The following GLS variants were observed in gnomAD, a reference collection of about 807,000 sequenced individuals.
GLS encodes the protein glutaminase.
A neutral mutation model predicts 86.7 loss-of-function variants in GLS; 36 were observed. The observed-to-expected ratio is 0.42, with a 90% CI of 0.32 to 0.55. The LOEUF is 0.55. Among genes scored for constraint, GLS ranks in the 20% least tolerant of loss-of-function variants. The pLI is 0.17. For missense variants in GLS, 528 were observed against 833.4 expected (o/e 0.63, Z 4.51); for synonymous variants, 317 against 305.9 (o/e 1.04, Z -0.38).
rs1690654541 is a variant in GLS, at chr2:190,949,179, G to A, written c.1651-4386G>A. On this transcript the variant is annotated intron_variant, in intron 14 of 17. Transcript: ENST00000320717. The surrounding 1 kb of genome is among the most constrained non-coding windows in gnomAD (Gnocchi z 4.0). ...GAAGAAAAATTAAGTTAGCTGGACTGAAGAACCTTGAATACAAGGCTGAAG... is the reference window on the plus strand; with the variant it reads ...GAAGAAAAATTAAGTTAGCTGGACTAAAGAACCTTGAATACAAGGCTGAAG... Among the ~76,000 whole-genome samples the A allele has an allele frequency of 6.6e-6, 1 of 152,120 alleles. No homozygotes were observed. Among genetic ancestry groups the A allele is most frequent in the African/African-American group, 2.4e-5 (1 of 41,418 alleles).
In GLS at chr2:190,964,426, T is replaced by G. The variant is rs924374364; in HGVS notation, c.*1440T>G. ...TTAGTTGTTATCACATACAGCAAAT[T>G]CCTTTTTTTTTCTTTTTCTATGAGC... is the stretch of plus-strand genomic sequence containing the variant. On this transcript the variant is annotated 3_prime_UTR_variant, in exon 18 of 18. Transcript: ENST00000320717. The surrounding 1 kb of genome is among the most constrained non-coding windows in gnomAD (Gnocchi z 5.2). 12 of 150,994 alleles carry G rather than the reference T, an allele frequency of 7.9e-5. No homozygotes were observed. Among genetic ancestry groups the G allele is most frequent in the African/African-American group, 2.5e-4 (10 of 40,322 alleles). The allele number at this position is 150,994 out of a possible 1,614,324, so 9.4% of individuals were successfully genotyped here. A position where few individuals can be genotyped will look rare whatever the true frequency, so the allele number is the denominator to read the frequency against.
At chr2:190,946,113 A>G (rs1690571394) in intron 14 of GLS, among the ~76,000 whole-genome samples, 1 of 152,186 alleles carries the variant, frequency 6.6e-6, no homozygotes, top group African/African-American at 2.4e-5. Context: ...TAAAAATATT[A>G]AATAAGCTCA....
chr2:190,953,455 G>A lies in GLS; in HGVS notation c.1651-110G>A, dbSNP rs1168730397. Reference sequence around the variant, plus strand: ...GTGTCCTTGAGATCACTTTTTGCACGTGACTCAGCTGAAGTGTTCAAAGCA... The same window carrying A: ...GTGTCCTTGAGATCACTTTTTGCACATGACTCAGCTGAAGTGTTCAAAGCA... On this transcript the variant is annotated intron_variant, in intron 14 of 17. Transcript: ENST00000320717. This position sits in a 1 kb window ranked among gnomAD's most constrained non-coding sequence, Gnocchi z 4.0. The A allele has an allele frequency of 2.8e-6, 2 of 725,482 alleles. No homozygotes were observed. Among genetic ancestry groups the A allele is most frequent in the Non-Finnish European group, 5.0e-6 (2 of 403,134 alleles). The allele number at this position is 725,482 out of a possible 1,614,324, so 44.9% of individuals were successfully genotyped here.
chr2:190,911,625 A>C (rs1689363011), intron 7 of GLS, among the ~76,000 whole-genome samples: 1 of 152,130 alleles, frequency 6.6e-6, no homozygotes, highest in South Asian at 2.1e-4. Flanking sequence ...GGTCCTTATA[A>C]GAAAATTCAA....
intron 14 of GLS, among the ~76,000 whole-genome samples, chr2:190,940,508 T>C (rs184923032): frequency 4.7e-3 from 722 of 152,230 alleles, no homozygotes; most frequent in Non-Finnish European, 8.1e-3. Context: ...TGAATGCCCT[T>C]ATTCTGGCAA....
Position 190,920,321 on chromosome 2 carries a change from AT to A in GLS, c.1039-702del. The A allele has an allele frequency of 6.6e-6, 1 of 151,932 alleles. No individual in the cohort carries two copies. Among genetic ancestry groups the A allele is most frequent in the Non-Finnish European group, 1.5e-5 (1 of 67,800 alleles). 9.4% of individuals were successfully genotyped at this position (151,932 alleles called of 1,614,324 possible). On this transcript the variant is annotated intron_variant, in intron 7 of 17. Coordinates refer to ENST00000320717, the MANE Select transcript of GLS (RefSeq NM_014905.5). The surrounding 1 kb of genome is among the most constrained non-coding windows in gnomAD (Gnocchi z 4.2). ...TTTTTCCTATTGACATTTGCAGTAGATAACATGTCAGAAATGAAAGTGATGA... is the reference window on the plus strand; with the variant it reads ...TTTTTCCTATTGACATTTGCAGTAGAAACATGTCAGAAATGAAAGTGATGA...
intron 1 of GLS, among the ~76,000 whole-genome samples, chr2:190,889,947 A>G (rs1258806886): frequency 3.3e-5 from 5 of 152,152 alleles, no homozygotes; most frequent in African/African-American, 1.2e-4. Context: ...TCTTATGTGC[A>G]TTTTGGTTAG....
intron 9 of GLS, among the ~76,000 whole-genome samples, chr2:190,923,672 C>G (rs182030281): frequency 1.3e-5 from 2 of 152,202 alleles, no homozygotes; most frequent in East Asian, 3.9e-4. Flanking sequence ...AATATGAAGA[C>G]TAGAAAGGAC....
chr2:190,964,606 G>A lies in GLS; in HGVS notation c.*1620G>A, dbSNP rs920029146. 2 of 152,182 alleles carry A rather than the reference G, an allele frequency of 1.3e-5. No individual in the cohort carries two copies. The highest frequency in any genetic ancestry group is 2.9e-5 in the Non-Finnish European group (2 of 68,060). The allele number at this position is 152,182 out of a possible 1,614,324, so 9.4% of individuals were successfully genotyped here. A position where few individuals can be genotyped will look rare whatever the true frequency, so the allele number is the denominator to read the frequency against. ...CTCCTTTGGTGAAACCACGGCCAAT[G>A]TTCCTTAGCTGCACCAGGCCCGAAG... On this transcript the variant is annotated 3_prime_UTR_variant, in exon 18 of 18. Transcript: ENST00000320717. The surrounding 1 kb of genome is among the most constrained non-coding windows in gnomAD (Gnocchi z 5.2).
Position 190,918,374 on chromosome 2 carries a change from T to C in GLS, c.1039-2650T>C, listed in dbSNP as rs114599912. On this transcript the variant is annotated intron_variant, in intron 7 of 17. Coordinates refer to ENST00000320717, the MANE Select transcript of GLS (RefSeq NM_014905.5). ...AGACGGCTTCTTTCCTTAAACCTCA[T>C]GAATCAACCTCTGCTAGCTGCAAAC... is the stretch of plus-strand genomic sequence containing the variant. 5.3e-3 allele frequency among the ~76,000 whole-genome samples: 813 copies of C among 152,276 alleles called. 8 individuals carry two copies. The highest frequency in any genetic ancestry group is 0.019 in the African/African-American group (770 of 41,560).
chr2:190,885,146 T>C lies in GLS; in HGVS notation c.386+3676T>C, dbSNP rs188393365. Among the ~76,000 whole-genome samples, 20 of 152,284 alleles carry C rather than the reference T, an allele frequency of 1.3e-4. 1 individual carries two copies. The highest frequency in any genetic ancestry group is 5.9e-4 in the Admixed American group (9 of 15,302). On this transcript the variant is annotated intron_variant, in intron 1 of 17. Coordinates refer to ENST00000320717, the MANE Select transcript of GLS (RefSeq NM_014905.5). ...GTTCAGCTTTATGTTTTGATAGTTA[T>C]GGACAATGAAGGGCAAAGAAAATCA...
At chr2:190,888,678 T>C (rs1688467069) in intron 1 of GLS, among the ~76,000 whole-genome samples, 1 of 152,202 alleles carries the variant, frequency 6.6e-6, no homozygotes, top group Admixed American at 6.5e-5. Flanking sequence ...CCTGCTGTAG[T>C]TTGCGTAGCC....
chr2:190,941,180 T>C (rs1298519833), intron 14 of GLS, among the ~76,000 whole-genome samples: 4 of 152,140 alleles, frequency 2.6e-5, no homozygotes, highest in Non-Finnish European at 5.9e-5. Context: ...ATCCAACTTG[T>C]GTTTGCAATT....
At chr2:190,894,042 T>G (rs11691127) in intron 1 of GLS, among the ~76,000 whole-genome samples, 1 of 152,112 alleles carries the variant, frequency 6.6e-6, no homozygotes, top group East Asian at 1.9e-4. Flanking sequence ...ATCATAGCAT[T>G]TTAGTGTTAC....
rs3036653 is a variant in GLS at position 190,942,067 on chromosome 2, C to CTTTTTTTTTTTTTTTTTTTTT, written c.1650+10440_1650+10460dup. On this transcript the variant is annotated intron_variant, in intron 14 of 17. Transcript: ENST00000320717. ...AGAGTTTAGTGTGAAACTTTGAAGA[C>CTTTTTTTTTTTTTTTTTTTTT]TTTTTTTTTTTTTTTTTTTTTTTTT... Among the ~76,000 whole-genome samples, 8 of 38,054 alleles carry CTTTTTTTTTTTTTTTTTTTTT rather than the reference C, an allele frequency of 2.1e-4. 2 individuals carry two copies. Among genetic ancestry groups the CTTTTTTTTTTTTTTTTTTTTT allele is most frequent in the Non-Finnish European group, 4.1e-4 (7 of 17,202 alleles). The allele number at this position is 38,054 out of a possible 152,430, so 25.0% of individuals were successfully genotyped here.
chr2:190,939,886 A>G (rs1690377072), intron 14 of GLS, among the ~76,000 whole-genome samples: 1 of 151,776 alleles, frequency 6.6e-6, no homozygotes, highest in Admixed American at 6.6e-5. Context: ...TGAAAAACTC[A>G]GAATATATTA....
chr2:190,919,841 A>T, intron 7 of GLS: 1 of 255,928 alleles, frequency 3.9e-6, no homozygotes, highest in Non-Finnish European at 6.1e-6. Context: ...ATTATCCTTA[A>T]TCTTGTTGAA....
At chr2:190,904,532 G>C (rs900873096) in intron 5 of GLS, among the ~76,000 whole-genome samples, 1 of 152,010 alleles carries the variant, frequency 6.6e-6, no homozygotes, top group Non-Finnish European at 1.5e-5. Flanking sequence ...CATGGGGTCT[G>C]CACCCATGGA....
chr2:190,945,749 C>T (rs1466079127), intron 14 of GLS, among the ~76,000 whole-genome samples: 3 of 151,778 alleles, frequency 2.0e-5, no homozygotes, highest in Non-Finnish European at 4.4e-5. Flanking sequence ...GAATGCAGTT[C>T]TTGGAGGTAC....
Sources: gnomAD v4.1 joint callset for allele counts (sites outside exome capture counted in the v4.1 genomes callset) on GRCh38, gnomAD v4.1.1 for gene constraint, Gnocchi (gnomAD v3.1) non-coding constraint, MANE v1.5 for transcripts, NCBI Gene and HGNC (gene_info 2026-07-23, HGNC 2026-07-21) for gene names.